The following WWOX variants were observed in gnomAD, a reference collection of about 807,000 sequenced individuals.
The protein encoded by WWOX is WW domain-containing oxidoreductase.
A neutral mutation model predicts 46.2 loss-of-function variants in WWOX; 69 were observed. The observed-to-expected ratio is 1.49, with a 90% CI of 1.23 to 1.82. WWOX has a LOEUF of 1.82. Ranked by LOEUF, WWOX falls within the 40% of genes most tolerant of loss-of-function variation. The pLI, the probability that WWOX is intolerant of heterozygous loss-of-function variation, is 0.00. For missense variants in WWOX, 919 were observed against 542.6 expected (o/e 1.69, Z -6.89); for synonymous variants, 359 against 202.6 (o/e 1.77, Z -6.56).
At chr16:78,385,985 A>G (rs546674646) in intron 5 of WWOX, among the ~76,000 whole-genome samples, 3 of 152,320 alleles carry the variant, frequency 2.0e-5, no homozygotes, top group Admixed American at 2.0e-4. Context: ...TCCTTGCAGA[A>G]TGATGCCATG....
intron 8 of WWOX, among the ~76,000 whole-genome samples, chr16:79,142,990 T>A (rs1368854523): frequency 6.6e-6 from 1 of 152,050 alleles, no homozygotes; most frequent in Non-Finnish European, 1.5e-5. Flanking sequence ...AGGCGTGAGC[T>A]ACCACACCCA....
chr16:78,639,825 C>G (rs2046660347), intron 8 of WWOX, among the ~76,000 whole-genome samples: 2 of 152,166 alleles, frequency 1.3e-5, no homozygotes, highest in Admixed American at 1.3e-4. Flanking sequence ...CCCAGCCTCC[C>G]ACAGTGTTGG....
At chr16:78,182,201 G>C (rs1219254853) in intron 5 of WWOX, among the ~76,000 whole-genome samples, 3 of 152,228 alleles carry the variant, frequency 2.0e-5, no homozygotes, top group Admixed American at 6.5e-5. Context: ...TGGATCACAA[G>C]ATTGTTGTGA....
intron 8 of WWOX, among the ~76,000 whole-genome samples, chr16:78,807,717 A>G (rs915718825): frequency 6.6e-6 from 1 of 152,260 alleles, no homozygotes; most frequent in Admixed American, 6.5e-5. Context: ...ACGTACTGTT[A>G]CATAATTGGG....
intron 6 of WWOX, among the ~76,000 whole-genome samples, chr16:78,401,561 G>A (rs952425099): frequency 6.6e-6 from 1 of 152,106 alleles, no homozygotes; most frequent in Admixed American, 6.6e-5. Context: ...AGAGTCTGGA[G>A]AGACCTTAAG....
At chr16:78,584,286 C>A (rs1028882248) in intron 8 of WWOX, among the ~76,000 whole-genome samples, 1 of 152,174 alleles carries the variant, frequency 6.6e-6, no homozygotes, top group Admixed American at 6.5e-5. Flanking sequence ...TTATTCCCAA[C>A]CATGGAGTCA....
chr16:78,955,059 G>A (rs889333095), intron 8 of WWOX, among the ~76,000 whole-genome samples: 21 of 152,108 alleles, frequency 1.4e-4, no homozygotes, highest in Admixed American at 1.1e-3. Flanking sequence ...ACAAAGTATT[G>A]GGAATGTATT....
At chr16:78,794,821 CAG>C (rs1567564622) in intron 8 of WWOX, among the ~76,000 whole-genome samples, 1 of 152,238 alleles carries the variant, frequency 6.6e-6, no homozygotes, top group Non-Finnish European at 1.5e-5. Context: ...GGTGCAGACA[CAG>C]GGCACAGAAC....
At chr16:78,859,469 A>C (rs1314437726) in intron 8 of WWOX, among the ~76,000 whole-genome samples, 1 of 152,200 alleles carries the variant, frequency 6.6e-6, no homozygotes, top group African/African-American at 2.4e-5. Flanking sequence ...TACAGTGTTA[A>C]AAATTAATTA....
At chr16:78,110,117 G>A (rs1475579693) in intron 3 of WWOX, among the ~76,000 whole-genome samples, 1 of 151,812 alleles carries the variant, frequency 6.6e-6, no homozygotes, top group East Asian at 1.9e-4. Flanking sequence ...CGAAGTGGGT[G>A]GATCCTGAGG....
chr16:78,125,659 C>T (rs145669960), intron 4 of WWOX, among the ~76,000 whole-genome samples: 7 of 152,104 alleles, frequency 4.6e-5, no homozygotes, highest in African/African-American at 1.2e-4. Flanking sequence ...CTCAGGGGTT[C>T]GAGAGCAGCC....
chr16:78,669,704 T>C (rs1567477796), intron 8 of WWOX, among the ~76,000 whole-genome samples: 1 of 152,212 alleles, frequency 6.6e-6, no homozygotes, highest in Non-Finnish European at 1.5e-5. Context: ...AAAAACTAGT[T>C]ACAGTTCATT....
intron 7 of WWOX, among the ~76,000 whole-genome samples, chr16:78,429,104 G>T (rs984798128): frequency 6.6e-6 from 1 of 152,104 alleles, no homozygotes; most frequent in African/African-American, 2.4e-5. Flanking sequence ...TATGTGTCAG[G>T]CACTGTAGTA....
At chr16:78,519,319 A>G (rs1230491350) in intron 8 of WWOX, among the ~76,000 whole-genome samples, 1 of 152,130 alleles carries the variant, frequency 6.6e-6, no homozygotes, top group East Asian at 1.9e-4. Context: ...GGCAGTAAGC[A>G]TGTTGCTCTG....
intron 8 of WWOX, among the ~76,000 whole-genome samples, chr16:79,201,030 C>T (rs1301678702): frequency 6.6e-6 from 1 of 152,144 alleles, no homozygotes; most frequent in Non-Finnish European, 1.5e-5. Flanking sequence ...CAAATGTTAT[C>T]ACTCATCCTT....
chr16:78,677,314 C>G (rs1426970157), intron 8 of WWOX, among the ~76,000 whole-genome samples: 1 of 152,198 alleles, frequency 6.6e-6, no homozygotes, highest in Non-Finnish European at 1.5e-5. Context: ...TACGTACACT[C>G]TGCCAGAGGT....
In WWOX at chr16:78,260,760, G is replaced by A. The variant is rs1233473555; in HGVS notation, c.516+96471G>A. On this transcript the variant is annotated intron_variant, in intron 5 of 8. Coordinates refer to ENST00000566780, the MANE Select transcript of WWOX (RefSeq NM_016373.4). ...TTGAACCTAGCCTGGGCAACATGGT[G>A]AAACCCCGTCTGTACCAAACATACA... Among the ~76,000 whole-genome samples the A allele has an allele frequency of 6.7e-5, 10 of 150,024 alleles. 1 individual carries two copies. The highest frequency in any genetic ancestry group is 6.6e-4 in the Admixed American group (10 of 15,070).
chr16:78,499,753 G>C (rs900892663), intron 8 of WWOX, among the ~76,000 whole-genome samples: 6 of 152,158 alleles, frequency 3.9e-5, no homozygotes, highest in African/African-American at 1.4e-4. Flanking sequence ...CTTGACACCA[G>C]CCTCTGTCAA....
rs528033756 is a variant in WWOX at position 78,618,738 on chromosome 16, G to C, written c.1056+185986G>C. ...TTGTAATATGTATAATGACTCATGA[G>C]AGAATTCCCCACTGTCTTCCCCACC... On this transcript the variant is annotated intron_variant, in intron 8 of 8. Transcript: ENST00000566780. Among the ~76,000 whole-genome samples, 6 of 152,088 alleles carry C rather than the reference G, an allele frequency of 3.9e-5. No homozygotes were observed. In the East Asian group the frequency reaches 9.8e-4, roughly 25 times the overall value.
Sources: allele counts gnomAD v4.1 joint callset (sites outside exome capture counted in the v4.1 genomes callset), GRCh38; gene constraint gnomAD v4.1.1; transcripts MANE v1.5; gene names NCBI Gene and HGNC (gene_info 2026-07-23, HGNC 2026-07-21).